The following GET3 variants were observed in gnomAD, a reference collection of about 807,000 sequenced individuals.
GET3 encodes the protein ATPase GET3.
A neutral mutation model predicts 32.4 loss-of-function variants in GET3; 15 were observed. The ratio of observed to expected loss-of-function variants is 0.46; its 90% CI spans 0.31 to 0.71. The LOEUF (loss-of-function observed/expected upper bound fraction) is 0.71, where lower values mean the gene tolerates loss of function less well. Ranked by LOEUF, GET3 falls within the 30% of genes least tolerant of loss-of-function variation. The pLI is 0.05. For synonymous variants in GET3, 198 were observed against 185.6 expected (o/e 1.07, Z -0.54); for missense variants, 333 against 459.0 (o/e 0.73, Z 2.51).
At position 12,745,435 on chromosome 19, in the gene GET3, A is replaced by G. The variant is rs1322758005; in HGVS notation, c.368A>G (p.Asn123Ser). 4 of 1,612,936 alleles carry G rather than the reference A, an allele frequency of 2.5e-6. No individual in the cohort carries two copies. The highest frequency in any genetic ancestry group is 2.7e-5 in the African/African-American group (2 of 74,920). Residue 123 changes from asparagine to serine, a missense_variant, in exon 3 of 7, where the codon AAC (asparagine) becomes AGC (serine). Around this residue, in one of 3 missense-constraint regions of GET3, gnomAD observed 230 missense variants for 389.2 expected, o/e 0.59. Coordinates refer to ENST00000357332, the MANE Select transcript of GET3 (RefSeq NM_004317.4). The surrounding 1 kb of genome is among the most constrained non-coding windows in gnomAD (Gnocchi z 5.0). ...ELPDEFFEEDNMLSMGKKMMQ... is the reference protein window; with the variant it reads ...ELPDEFFEEDSMLSMGKKMMQ... Reference sequence around the variant, plus strand: ...CCTGACGAGTTCTTCGAGGAGGACAACATGCTGAGCATGGGCAAGAAGATG... The same window carrying G: ...CCTGACGAGTTCTTCGAGGAGGACAGCATGCTGAGCATGGGCAAGAAGATG...
At chr19:12,737,918 G>A (rs1204084764) in intron 1 of GET3, among the ~76,000 whole-genome samples, 3 of 152,202 alleles carry the variant, frequency 2.0e-5, no homozygotes, top group Non-Finnish European at 4.4e-5. Flanking sequence ...GGACGGGGAA[G>A]CACTTAGATA....
chr19:12,738,207 A>T (rs1199943787), intron 1 of GET3, among the ~76,000 whole-genome samples: 1 of 152,134 alleles, frequency 6.6e-6, no homozygotes, highest in African/African-American at 2.4e-5. Flanking sequence ...GCACGGAGTC[A>T]AGCTATGCTG....
At chr19:12,741,455 C>A (rs1418536708) in intron 2 of GET3, among the ~76,000 whole-genome samples, 1 of 139,252 alleles carries the variant, frequency 7.2e-6, no homozygotes, top group African/African-American at 2.7e-5. Flanking sequence ...GACTCCATCT[C>A]AAAAAAAAAA....
chr19:12,738,304 T>C (rs1012231748), intron 1 of GET3, among the ~76,000 whole-genome samples: 10 of 152,020 alleles, frequency 6.6e-5, no homozygotes, highest in Non-Finnish European at 1.3e-4. Context: ...ACCTTACCTC[T>C]CTAGTCCACA....
At position 12,748,311 on chromosome 19, in the gene GET3, G is replaced by T; in HGVS notation, c.*207G>T. The T allele has an allele frequency of 2.0e-6, 1 of 489,238 alleles. No individual in the cohort carries two copies. Among genetic ancestry groups the T allele is most frequent in the Non-Finnish European group, 3.6e-6 (1 of 275,192 alleles). The allele number at this position is 489,238 out of a possible 1,614,324, so 30.3% of individuals were successfully genotyped here. ...CCCACCTCTTGCTCTTCAATAAAATGATCTTAAACTGCTGTATTGTTGACA... is the reference window on the plus strand; with the variant it reads ...CCCACCTCTTGCTCTTCAATAAAATTATCTTAAACTGCTGTATTGTTGACA... On this transcript the variant is annotated 3_prime_UTR_variant, in exon 7 of 7. Coordinates refer to ENST00000357332, the MANE Select transcript of GET3 (RefSeq NM_004317.4).
chr19:12,742,641 C>T (rs1351003788), intron 2 of GET3, among the ~76,000 whole-genome samples: 2 of 152,074 alleles, frequency 1.3e-5, no homozygotes, highest in Middle Eastern at 3.2e-3. Flanking sequence ...GTCTCGATCT[C>T]CTGACCTCGT....
In GET3 at chr19:12,747,913, A is replaced by G; in HGVS notation, c.916-60A>G. On this transcript the variant is annotated intron_variant, in intron 6 of 6. Transcript: ENST00000357332. The surrounding 1 kb of genome is among the most constrained non-coding windows in gnomAD (Gnocchi z 4.0). ...AGCTTTACCGCTTCTATTGATCCAC[A>G]CTCTGTCTCTGCCTTCCTGCCCCCT... The G allele has an allele frequency of 6.7e-7, 1 of 1,500,746 alleles. No homozygotes were observed. The highest frequency in any genetic ancestry group is 9.0e-7 in the Non-Finnish European group (1 of 1,107,386). 93.0% of individuals were successfully genotyped at this position (1,500,746 alleles called of 1,614,324 possible).
At position 12,747,963 on chromosome 19, in the gene GET3, C is replaced by T. The variant is rs200542800; in HGVS notation, c.916-10C>T. Reference sequence around the variant, plus strand: ...TGACCACTGCCTTCTACCCTCTGCCCTGGCTGCAGATGGAGGACCTGTATG... The same window carrying T: ...TGACCACTGCCTTCTACCCTCTGCCTTGGCTGCAGATGGAGGACCTGTATG... On this transcript the variant is annotated splice_polypyrimidine_tract_variant and intron_variant, in intron 6 of 6. Coordinates refer to ENST00000357332, the MANE Select transcript of GET3 (RefSeq NM_004317.4). This position sits in a 1 kb window ranked among gnomAD's most constrained non-coding sequence, Gnocchi z 4.0. 4.8e-4 allele frequency: 768 copies of T among 1,589,042 alleles called. 1 individual carries two copies. Among genetic ancestry groups the T allele is most frequent in the Non-Finnish European group, 6.2e-4 (717 of 1,163,476 alleles).
intron 2 of GET3, among the ~76,000 whole-genome samples, chr19:12,742,954 G>C (rs985266526): frequency 2.0e-5 from 3 of 152,204 alleles, no homozygotes; most frequent in African/African-American, 7.2e-5. Context: ...ACCTGTGGAG[G>C]CTGGGCTGGA....
chr19:12,747,731 C>T lies in GET3; in HGVS notation c.915+139C>T, dbSNP rs1967800862. 3 of 1,247,510 alleles carry T rather than the reference C, an allele frequency of 2.4e-6. No homozygotes were observed. Among genetic ancestry groups the T allele is most frequent in the East Asian group, 5.0e-5 (2 of 40,334 alleles). 77.3% of individuals were successfully genotyped at this position (1,247,510 alleles called of 1,614,324 possible). A position where few individuals can be genotyped will look rare whatever the true frequency, so the allele number is the denominator to read the frequency against. On this transcript the variant is annotated intron_variant, in intron 6 of 6. Coordinates refer to ENST00000357332, the MANE Select transcript of GET3 (RefSeq NM_004317.4). This position sits in a 1 kb window ranked among gnomAD's most constrained non-coding sequence, Gnocchi z 4.0. ...ACATTTCAGATCCTTCACCCTTATT[C>T]CGGCCATAGAGGACTGTGGCTGGCC...
At chr19:12,741,048 G>A (rs1568348257) in intron 2 of GET3, among the ~76,000 whole-genome samples, 1 of 152,218 alleles carries the variant, frequency 6.6e-6, no homozygotes, top group South Asian at 2.1e-4. Flanking sequence ...GCAAGGGCGG[G>A]CGTGGTGGCT....
In GET3 at chr19:12,748,159, C is replaced by A. The variant is rs2145697696; in HGVS notation, c.*55C>A. On this transcript the variant is annotated 3_prime_UTR_variant, in exon 7 of 7. Coordinates refer to ENST00000357332, the MANE Select transcript of GET3 (RefSeq NM_004317.4). ...TCACACTCACCCTCCACCCTCCCCACCCCCTCGGGGCAGAGTTTGCACAAA... is the reference window on the plus strand; with the variant it reads ...TCACACTCACCCTCCACCCTCCCCAACCCCTCGGGGCAGAGTTTGCACAAA... 1.3e-6 allele frequency: 2 copies of A among 1,505,962 alleles called. No individual in the cohort carries two copies. Among genetic ancestry groups the A allele is most frequent in the African/African-American group, 1.4e-5 (1 of 72,608 alleles). 93.3% of individuals were successfully genotyped at this position (1,505,962 alleles called of 1,614,324 possible). A position where few individuals can be genotyped will look rare whatever the true frequency, so the allele number is the denominator to read the frequency against.
At chr19:12,739,926 A>T (rs556234367) in intron 2 of GET3, among the ~76,000 whole-genome samples, 42 of 150,576 alleles carry the variant, frequency 2.8e-4, no homozygotes, top group Non-Finnish European at 5.6e-4. Context: ...GGTGCCTGTA[A>T]TACCAGCTAC....
rs1194330086 is a variant in GET3, at chr19:12,747,518, G to A, written c.841G>A (p.Val281Ile). The A allele has an allele frequency of 1.1e-5, 18 of 1,614,020 alleles. No homozygotes were observed. Among genetic ancestry groups the A allele is most frequent in the East Asian group, 2.2e-5 (1 of 44,876 alleles). The change falls in exon 6 of 7, where the codon GTC becomes ATC. Residue 281 changes from valine (V) to isoleucine (I), a missense_variant. Transcript: ENST00000357332. The surrounding 1 kb of genome is among the most constrained non-coding windows in gnomAD (Gnocchi z 4.0). ...DTHNIIVNQLVFPDPEKPCKM... is the reference protein window; with the variant it reads ...DTHNIIVNQLIFPDPEKPCKM... ...ACACAATATAATTGTCAACCAGCTC[G>A]TCTTCCCCGACCCCGAGAAGCCCTG...
At chr19:12,739,208 C>T (rs1351113635) in intron 2 of GET3, among the ~76,000 whole-genome samples, 1 of 151,830 alleles carries the variant, frequency 6.6e-6, no homozygotes, top group Non-Finnish European at 1.5e-5. Flanking sequence ...TCCTCTGTCT[C>T]CCAGGCTGGA....
rs774607698 is a variant in GET3 at position 12,738,649 on chromosome 19, C to T, written c.300C>T (p.Leu100=). 6.8e-6 allele frequency: 11 copies of T among 1,614,190 alleles called. No homozygotes were observed. The highest frequency in any genetic ancestry group is 9.3e-6 in the Non-Finnish European group (11 of 1,180,030). ...VPTKVKGYDN[L]FAMEIDPSLG... is the part of the protein sequence containing the mutation. The stretch of plus-strand genomic sequence containing the variant: ...CCAAGGTCAAAGGCTATGACAACCT[C>T]TTTGCTATGGTGAGTGGAACAGGGC... Residue 100 remains leucine, a synonymous_variant, in exon 2 of 7, where the codon CTC becomes CTT. Transcript: ENST00000357332.
chr19:12,741,730 G>A (rs996692340), intron 2 of GET3, among the ~76,000 whole-genome samples: 4 of 150,802 alleles, frequency 2.7e-5, no homozygotes, highest in African/African-American at 9.8e-5. Flanking sequence ...CTGCACTCCA[G>A]CCTGGGATAC....
chr19:12,747,440 C>G lies in GET3; in HGVS notation c.763C>G (p.Leu255Val). 1 of 1,614,088 alleles carries G rather than the reference C, an allele frequency of 6.2e-7. No individual in the cohort carries two copies. Among genetic ancestry groups the G allele is most frequent in the Non-Finnish European group, 8.5e-7 (1 of 1,180,016 alleles). ...CGTATGCATTGCTGAGTTCCTGTCC[C>G]TGTATGAGACAGAGAGGCTGATCCA... The part of the protein sequence containing the change: ...ICVCIAEFLS[L>V]YETERLIQEL... The change falls in exon 6 of 7, where the codon CTG becomes GTG. Residue 255 changes from leucine to valine, a missense_variant. Around this residue, in one of 3 missense-constraint regions of GET3, gnomAD observed 230 missense variants for 389.2 expected, o/e 0.59. Coordinates refer to ENST00000357332, the MANE Select transcript of GET3 (RefSeq NM_004317.4). The surrounding 1 kb of genome is among the most constrained non-coding windows in gnomAD (Gnocchi z 4.0).
intron 4 of GET3, among the ~76,000 whole-genome samples, chr19:12,746,669 C>A (rs764699613): frequency 1.3e-5 from 2 of 152,168 alleles, no homozygotes; most frequent in Non-Finnish European, 2.9e-5. Flanking sequence ...GATGGGGAAA[C>A]TGAGGCTCCA....
Sources: allele counts gnomAD v4.1 joint callset (sites outside exome capture counted in the v4.1 genomes callset), GRCh38; gene constraint gnomAD v4.1.1; regional missense constraint gnomAD v4.1.1; non-coding constraint Gnocchi (gnomAD v3.1); transcripts MANE v1.5; gene names NCBI Gene and HGNC (gene_info 2026-07-23, HGNC 2026-07-21).